Variants in ANKFY1 observed in about 807,000 individuals in gnomAD.
The protein encoded by ANKFY1 is ankyrin repeat and FYVE domain containing 1, also known as ankyrin repeat and FYVE domain-containing protein 1.
Under a neutral mutation model 128.3 loss-of-function variants are expected in ANKFY1, and 47 were observed. That is an observed-to-expected ratio of 0.37 (90% CI 0.29 to 0.47). ANKFY1 has a LOEUF of 0.47. ANKFY1 is among the 20% of genes least tolerant of loss of function. ANKFY1 has a pLI of 1.00. For synonymous variants in ANKFY1, 553 were observed against 601.6 expected (o/e 0.92, Z 1.18); for missense variants, 1,222 against 1,510.6 (o/e 0.81, Z 3.17).
At chr17:4,172,899 A>G (rs1025016314) in intron 21 of ANKFY1, among the ~76,000 whole-genome samples, 14 of 152,348 alleles carry the variant, frequency 9.2e-5, no homozygotes, top group Middle Eastern at 3.4e-3. Flanking sequence ...TCGCTCTGTC[A>G]CCCAGGCTGG....
At chr17:4,209,324 G>A (rs911094232) in intron 5 of ANKFY1, among the ~76,000 whole-genome samples, 1 of 152,112 alleles carries the variant, frequency 6.6e-6, no homozygotes, top group Non-Finnish European at 1.5e-5. Context: ...GGCGGGAGAC[G>A]GAGTCTCGCT....
chr17:4,167,916 G>A lies in ANKFY1; in HGVS notation c.3378-5C>T. On this transcript the variant is annotated splice_polypyrimidine_tract_variant and splice_region_variant and intron_variant, in intron 24 of 24. Transcript: ENST00000341657. This position sits in a 1 kb window ranked among gnomAD's most constrained non-coding sequence, Gnocchi z 4.1. ...AGAAGACGTCCGCAGTGACGACTGTGGAAGCAAAGAAAGGAAGTATGAGAG... is the reference window on the plus strand; with the variant it reads ...AGAAGACGTCCGCAGTGACGACTGTAGAAGCAAAGAAAGGAAGTATGAGAG... 1.2e-6 allele frequency: 2 copies of A among 1,611,840 alleles called. No homozygotes were observed. Among genetic ancestry groups the A allele is most frequent in the Non-Finnish European group, 8.5e-7 (1 of 1,178,838 alleles).
At chr17:4,254,231 G>T (rs912857913) in intron 1 of ANKFY1, among the ~76,000 whole-genome samples, 1 of 150,384 alleles carries the variant, frequency 6.6e-6, no homozygotes, top group African/African-American at 2.5e-5. Flanking sequence ...CTGAACCTGG[G>T]AGGCGGAGGT....
At chr17:4,197,684 G>C in intron 7 of ANKFY1, 107 bp from the exon 8 acceptor site, 1 of 1,032,676 alleles carries the variant, frequency 9.7e-7, no homozygotes, top group Non-Finnish European at 1.5e-6. Flanking sequence ...GCGATAACTA[G>C]ATGTGTCTGA....
At chr17:4,176,851 G>A (rs2143001876) in intron 19 of ANKFY1, among the ~76,000 whole-genome samples, 1 of 152,318 alleles carries the variant, frequency 6.6e-6, no homozygotes, top group African/African-American at 2.4e-5. Flanking sequence ...AACACAAGTG[G>A]ATCTCCACTT....
At chr17:4,255,965 G>A (rs1200208798) in intron 1 of ANKFY1, among the ~76,000 whole-genome samples, 5 of 152,052 alleles carry the variant, frequency 3.3e-5, no homozygotes, top group Admixed American at 3.3e-4. Context: ...TTACAGGAGT[G>A]CACCACCAAG....
At chr17:4,172,911 G>C (rs1377593381) in intron 21 of ANKFY1, among the ~76,000 whole-genome samples, 5 of 152,238 alleles carry the variant, frequency 3.3e-5, no homozygotes, top group East Asian at 1.9e-4. Context: ...CCAGGCTGGA[G>C]TGCAGTGGCG....
chr17:4,170,229 C>T (rs1003411103), intron 23 of ANKFY1, among the ~76,000 whole-genome samples: 3 of 152,198 alleles, frequency 2.0e-5, no homozygotes, highest in Non-Finnish European at 2.9e-5. Context: ...CACAGGCACT[C>T]GAGACATTCT....
chr17:4,240,228 C>T (rs1383455756), intron 2 of ANKFY1, among the ~76,000 whole-genome samples: 1 of 151,696 alleles, frequency 6.6e-6, no homozygotes, highest in Non-Finnish European at 1.5e-5. Flanking sequence ...CCACACCTAG[C>T]TAATTTTTTT....
Position 4,183,521 on chromosome 17 carries a change from C to T in ANKFY1, c.1829G>A (p.Gly610Asp). ...GMHTIAAQLL[G>D]SGAAINDTMS... ...GGTGTCATTGATGGCGGCTCCAGAG[C>T]CCAGCAGCTGGGCTGCGATCGTGTG... is the stretch of plus-strand genomic sequence containing the variant. The change falls in exon 14 of 25, where the codon GGC (glycine) becomes GAC (aspartate). Residue 610 changes from glycine to aspartate, a missense_variant. Physicochemically the swap from Gly to Asp is moderately conservative, Grantham distance 94. Coordinates refer to ENST00000341657, the MANE Select transcript of ANKFY1 (RefSeq NM_001330063.2). The T allele has an allele frequency of 6.2e-7, 1 of 1,612,768 alleles. No individual in the cohort carries two copies. The highest frequency in any genetic ancestry group is 8.5e-7 in the Non-Finnish European group (1 of 1,180,012).
Position 4,255,696 on chromosome 17 carries a change from T to C in ANKFY1, c.10+8236A>G, listed in dbSNP as rs149679851. ...AATAATTTTTTGTTCCAGGCTTATA[T>C]TAGGATCTTCCACAAAAAAATATTT... On this transcript the variant is annotated intron_variant, in intron 1 of 24. Transcript: ENST00000341657. Among the ~76,000 whole-genome samples the C allele has an allele frequency of 8.0e-4, 122 of 152,342 alleles. 3 individuals are homozygous for C. The East Asian group carries it at 0.017, about 21-fold the overall frequency.
intron 3 of ANKFY1, among the ~76,000 whole-genome samples, chr17:4,235,071 G>C (rs965417711): frequency 6.6e-6 from 1 of 152,012 alleles, no homozygotes; most frequent in South Asian, 2.1e-4. Context: ...GGCCAGACAC[G>C]GTGGCTCACA....
rs2059518397 is a variant in ANKFY1, at chr17:4,181,633, A to G, written c.2122-261T>C. Among the ~76,000 whole-genome samples, 3 of 152,184 alleles carry G rather than the reference A, an allele frequency of 2.0e-5. No homozygotes were observed. Among genetic ancestry groups the G allele is most frequent in the South Asian group, 4.1e-4 (2 of 4,824 alleles). ...GTTATGTTTAATTTGTGTCCTTTAG[A>G]GCTGAGTTCTAGAAGGGACAGAAAA... On this transcript the variant is annotated intron_variant, in intron 15 of 24. Transcript: ENST00000341657. This position sits in a 1 kb window ranked among gnomAD's most constrained non-coding sequence, Gnocchi z 4.9.
At position 4,189,601 on chromosome 17, in the gene ANKFY1, A is replaced by ACCAGACAGTAGGCCCACG. The variant is rs1567925457; in HGVS notation, c.1373-140_1373-123dup. The ACCAGACAGTAGGCCCACG allele has an allele frequency of 4.3e-4, 339 of 793,586 alleles. 3 individuals carry two copies. The highest frequency in any genetic ancestry group is 5.9e-4 in the Admixed American group (24 of 40,638). The allele number at this position is 793,586 out of a possible 1,614,324, so 49.2% of individuals were successfully genotyped here. Reference sequence around the variant, plus strand: ...AGCCCACGCCAGACAGTAGGCCCACACCAGACAGTAGGCCCACGCCAGACA... The same window carrying ACCAGACAGTAGGCCCACG: ...AGCCCACGCCAGACAGTAGGCCCACACCAGACAGTAGGCCCACGCCAGACAGTAGGCCCACGCCAGACA... On this transcript the variant is annotated intron_variant, in intron 10 of 24. Transcript: ENST00000341657.
intron 4 of ANKFY1, 62 bp from the exon 5 acceptor site, chr17:4,210,009 C>T: frequency 1.3e-6 from 2 of 1,526,856 alleles, no homozygotes; most frequent in Non-Finnish European, 1.8e-6. Context: ...ACGAACAAAC[C>T]AAAGCGATCA....
chr17:4,236,032 T>C (rs532330266), intron 2 of ANKFY1, 142 bp from the exon 3 acceptor site: 8 of 618,256 alleles, frequency 1.3e-5, no homozygotes, highest in African/African-American at 1.8e-5. Context: ...TATTCCTATA[T>C]GCTAGCACTG....
At chr17:4,263,860 G>C (rs1005567959) in intron 1 of ANKFY1, 72 bp downstream of exon 1, 1 of 1,612,692 alleles carries the variant, frequency 6.2e-7, no homozygotes, top group Non-Finnish European at 8.5e-7. Context: ...CCCCTCCCAC[G>C]GCAGCTTCGC....
intron 8 of ANKFY1, among the ~76,000 whole-genome samples, chr17:4,195,844 C>T (rs1382076429): frequency 1.3e-5 from 2 of 152,054 alleles, no homozygotes. Flanking sequence ...CCATAATCTT[C>T]TATTCTTCTC....
intron 14 of ANKFY1, 44 bp downstream of exon 14, chr17:4,183,350 CAATT>C (rs750437879): frequency 7.3e-5 from 116 of 1,593,162 alleles, no homozygotes; most frequent in Non-Finnish European, 9.4e-5. Context: ...TTTGACATCT[CAATT>C]AATTGTTACC....
Sources: gnomAD v4.1 joint callset for allele counts (sites outside exome capture counted in the v4.1 genomes callset) on GRCh38, gnomAD v4.1.1 for gene constraint, Gnocchi (gnomAD v3.1) non-coding constraint, MANE v1.5 for transcripts, NCBI Gene and HGNC (gene_info 2026-07-23, HGNC 2026-07-21) for gene names.